MTCL3: variants seen among roughly 807,000 people sequenced by gnomAD.
MTCL3 encodes the protein MTCL family member 3.
At chr6:127,516,296 G>A in the MTCL3 span, 1 of 1,558,230 alleles carries the variant, frequency 6.4e-7, no homozygotes. Context: ...GGCGCCAGGG[G>A]CGTCGCCTTC....
the MTCL3 span, among the ~76,000 whole-genome samples, chr6:127,486,298 C>T: frequency 1.1e-4 from 17 of 152,170 alleles, no homozygotes; most frequent in African/African-American, 4.1e-4. Flanking sequence ...GCCTTTAGGG[C>T]TGCTACTATG....
the MTCL3 span, among the ~76,000 whole-genome samples, chr6:127,501,230 G>T: frequency 6.6e-6 from 1 of 152,174 alleles, no homozygotes; most frequent in African/African-American, 2.4e-5. Context: ...CTTTCAGAAC[G>T]ACTCTAGAAC....
chr6:127,516,846 G>T, the MTCL3 span: 1 of 687,586 alleles, frequency 1.5e-6, no homozygotes, highest in Admixed American at 3.4e-5. Context: ...GAATAGGATG[G>T]AGGGCTGTCA....
At chr6:127,502,383 G>A in the MTCL3 span, among the ~76,000 whole-genome samples, 1 of 152,162 alleles carries the variant, frequency 6.6e-6, no homozygotes, top group Non-Finnish European at 1.5e-5. Flanking sequence ...TGAATGCAGT[G>A]GCAGGTAATG....
chr6:127,515,863 T>A, the MTCL3 span: 7 of 1,611,424 alleles, frequency 4.3e-6, no homozygotes, highest in Non-Finnish European at 5.9e-6. This position sits in a 1 kb window ranked among gnomAD's most constrained non-coding sequence, Gnocchi z 4.3. Flanking sequence ...ACATCCTTCT[T>A]TCCAGTAGCT....
the MTCL3 span, chr6:127,473,038 A>T: frequency 9.9e-7 from 1 of 1,010,484 alleles, no homozygotes; most frequent in African/African-American, 1.7e-5. Flanking sequence ...AAAGAAGTAA[A>T]AATTAAAACA....
the MTCL3 span, among the ~76,000 whole-genome samples, chr6:127,484,215 C>T: frequency 2.0e-5 from 3 of 152,038 alleles, no homozygotes; most frequent in Non-Finnish European, 4.4e-5. Flanking sequence ...AATTTCTAAC[C>T]CATATCCACT....
the MTCL3 span, among the ~76,000 whole-genome samples, chr6:127,495,187 A>G: frequency 7.8e-6 from 1 of 128,144 alleles, no homozygotes; most frequent in African/African-American, 2.9e-5. Flanking sequence ...ACAGAGCATG[A>G]CTCCATCTCA....
At chr6:127,500,944 T>A in the MTCL3 span, among the ~76,000 whole-genome samples, 1 of 152,110 alleles carries the variant, frequency 6.6e-6, no homozygotes, top group Non-Finnish European at 1.5e-5. Context: ...CCCAAGTAGC[T>A]GGGATTACAG....
At chr6:127,499,132 A>G in the MTCL3 span, among the ~76,000 whole-genome samples, 1 of 152,222 alleles carries the variant, frequency 6.6e-6, no homozygotes, top group South Asian at 2.1e-4. Flanking sequence ...AAAAAAAGAA[A>G]AAGATCCCCC....
the MTCL3 span, chr6:127,475,737 G>C: frequency 6.3e-7 from 1 of 1,595,506 alleles, no homozygotes; most frequent in Admixed American, 1.7e-5. The surrounding 1 kb of genome is among the most constrained non-coding windows in gnomAD (Gnocchi z 7.3). Flanking sequence ...GCGAGTCGTC[G>C]TCGCTCTCCT....
the MTCL3 span, among the ~76,000 whole-genome samples, chr6:127,485,026 A>G: frequency 8.0e-3 from 1,215 of 152,100 alleles, 21 homozygotes; most frequent in African/African-American, 0.028. Flanking sequence ...AACTCTGAGG[A>G]TGAGGCCCAG....
the MTCL3 span, chr6:127,514,676 C>G: frequency 1.5e-6 from 1 of 652,646 alleles, no homozygotes; most frequent in South Asian, 1.9e-5. Flanking sequence ...CTTCTGAGAC[C>G]CTAGTATTTT....
chr6:127,480,291 A>G, the MTCL3 span, among the ~76,000 whole-genome samples: 1 of 152,224 alleles, frequency 6.6e-6, no homozygotes, highest in South Asian at 2.1e-4. Context: ...CACTAAAAAG[A>G]ATAAGTAATG....
chr6:127,486,449 A>C, the MTCL3 span, among the ~76,000 whole-genome samples: 5 of 152,316 alleles, frequency 3.3e-5, no homozygotes, highest in Admixed American at 3.3e-4. Context: ...TGTGAGTCCA[A>C]GTAGTCCCTT....
chr6:127,518,826 C>T, the MTCL3 span: 3 of 152,232 alleles, frequency 2.0e-5, no homozygotes, highest in Admixed American at 6.5e-5. Context: ...CGGGTGACTT[C>T]CCGGCGGTCC....
the MTCL3 span, among the ~76,000 whole-genome samples, chr6:127,492,367 C>T: frequency 6.6e-6 from 1 of 151,592 alleles, no homozygotes; most frequent in African/African-American, 2.4e-5. Flanking sequence ...GATTTATAAA[C>T]AATATCCTGT....
At chr6:127,497,919 G>A in the MTCL3 span, among the ~76,000 whole-genome samples, 13 of 152,168 alleles carry the variant, frequency 8.5e-5, no homozygotes, top group Admixed American at 3.9e-4. Flanking sequence ...TTAGACTCCC[G>A]ACTCACTCTA....
the MTCL3 span, among the ~76,000 whole-genome samples, chr6:127,493,540 C>A: frequency 6.6e-6 from 1 of 152,154 alleles, no homozygotes; most frequent in Non-Finnish European, 1.5e-5. Flanking sequence ...GGAGGTATAT[C>A]TGGCATACAG....
Sources: allele counts gnomAD v4.1 joint callset (sites outside exome capture counted in the v4.1 genomes callset), GRCh38; gene constraint gnomAD v4.1.1; non-coding constraint Gnocchi (gnomAD v3.1); transcripts MANE v1.5; gene names NCBI Gene and HGNC (gene_info 2026-07-23, HGNC 2026-07-21).